PGGT1B: variants seen among roughly 807,000 people sequenced by gnomAD.
PGGT1B encodes geranylgeranyl transferase type-1 subunit beta.
In PGGT1B, 30 loss-of-function variants were observed where a neutral mutation model predicts 46.1. That is an observed-to-expected ratio of 0.65 (90% CI 0.49 to 0.88). The LOEUF is 0.88. Among genes scored for constraint, PGGT1B ranks in the 40% least tolerant of loss-of-function variants. The pLI is 0.00. For synonymous variants in PGGT1B, 170 were observed against 160.0 expected, an observed-to-expected ratio of 1.06 and a Z score of -0.47; for missense variants, 376 against 455.9, an observed-to-expected ratio of 0.82 and a Z score of 1.60.
At chr5:115,256,335 G>A (rs139099356) in intron 1 of PGGT1B, among the ~76,000 whole-genome samples, 66 of 152,264 alleles carry the variant, frequency 4.3e-4, no homozygotes, top group African/African-American at 1.4e-3. Flanking sequence ...ATCTGTATAC[G>A]TTATCTGAAT....
In PGGT1B at chr5:115,230,088, C is replaced by T. The variant is rs556415816; in HGVS notation, c.658+888G>A. ...AGGTTTATGATTTACAAACCACTTT[C>T]CCCCATATCTCTTATAATACTAACA... On this transcript the variant is annotated intron_variant, in intron 6 of 8. Coordinates refer to ENST00000419445, the MANE Select transcript of PGGT1B (RefSeq NM_005023.4). 6.2e-4 allele frequency among the ~76,000 whole-genome samples: 94 copies of T among 151,906 alleles called. 1 individual carries two copies. Among genetic ancestry groups the T allele is most frequent in the African/African-American group, 2.2e-3 (93 of 41,448 alleles).
intron 4 of PGGT1B, 102 bp from the exon 5 acceptor site, chr5:115,236,624 A>G (rs1757191575): frequency 4.9e-6 from 3 of 612,918 alleles, no homozygotes; most frequent in Non-Finnish European, 8.1e-6. Context: ...TAACAGAAAA[A>G]TCTGTTGATT....
chr5:115,231,812 A>G (rs529937771), intron 5 of PGGT1B: 1 of 152,262 alleles, frequency 6.6e-6, no homozygotes, highest in South Asian at 2.1e-4. Flanking sequence ...GTTTAGCTAA[A>G]TAACACAACA....
At chr5:115,247,235 A>C (rs568155368) in intron 2 of PGGT1B, among the ~76,000 whole-genome samples, 1 of 152,326 alleles carries the variant, frequency 6.6e-6, no homozygotes, top group East Asian at 1.9e-4. Flanking sequence ...ATGGAATATA[A>C]AAGTTTGAGA....
At chr5:115,216,630 A>G (rs1314025594) in intron 8 of PGGT1B, among the ~76,000 whole-genome samples, 1 of 152,232 alleles carries the variant, frequency 6.6e-6, no homozygotes, top group African/African-American at 2.4e-5. Flanking sequence ...TACTAAGTAA[A>G]ATATTTGGGA....
At chr5:115,225,384 T>C (rs1218671447) in intron 6 of PGGT1B, among the ~76,000 whole-genome samples, 1 of 139,646 alleles carries the variant, frequency 7.2e-6, no homozygotes, top group Non-Finnish European at 1.6e-5. Flanking sequence ...AAAGGAGGTG[T>C]TCCTGACTTC....
At chr5:115,246,327 T>A (rs1225632173) in intron 2 of PGGT1B, among the ~76,000 whole-genome samples, 2 of 149,868 alleles carry the variant, frequency 1.3e-5, no homozygotes, top group Admixed American at 1.3e-4. Context: ...CTGCACTCCA[T>A]CCTGGGTGAC....
At chr5:115,255,193 C>CTAT (rs1748260982) in intron 1 of PGGT1B, among the ~76,000 whole-genome samples, 1 of 152,204 alleles carries the variant, frequency 6.6e-6, no homozygotes, top group Non-Finnish European at 1.5e-5. Flanking sequence ...AGAGTAACAA[C>CTAT]GACTTTAGGA....
At position 115,253,187 on chromosome 5, in the gene PGGT1B, T is replaced by C; in HGVS notation, c.209A>G (p.Asp70Gly). The C allele has an allele frequency of 1.2e-6, 2 of 1,606,352 alleles. No individual in the cohort carries two copies. Among genetic ancestry groups the C allele is most frequent in the South Asian group, 1.1e-5 (1 of 89,742 alleles). Residue 70 changes from aspartate to glycine, a missense_variant, in exon 2 of 9, where the codon GAT becomes GGT. This residue lies in a region of PGGT1B where 154 missense variants were observed against 142.3 expected (regional missense o/e 1.08). Coordinates refer to ENST00000419445, the MANE Select transcript of PGGT1B (RefSeq NM_005023.4). ...GGAATAAATCCACTCTATTATATCA[T>C]CTTTGTTCACCACATCTAAGGAATC... is the stretch of plus-strand genomic sequence containing the variant. ...MLDSLDVVNK[D>G]DIIEWIYSLQ...
rs1208777045 is a variant in PGGT1B at position 115,206,247 on chromosome 5, ATG to A, written c.*6153_*6154del. ...TATACAGAGATTAAAGGTCTGAAAG[ATG>A]TATGCAACAGTGGTGTTTACCTCCA... is the stretch of plus-strand genomic sequence containing the variant. On this transcript the variant is annotated 3_prime_UTR_variant, in exon 9 of 9. Transcript: ENST00000419445. The A allele has an allele frequency of 6.6e-6, 1 of 152,012 alleles. No homozygotes were observed. Among genetic ancestry groups the A allele is most frequent in the Non-Finnish European group, 1.5e-5 (1 of 67,910 alleles). 9.4% of individuals were successfully genotyped at this position (152,012 alleles called of 1,614,324 possible).
intron 6 of PGGT1B, among the ~76,000 whole-genome samples, chr5:115,229,099 G>C (rs533899851): frequency 1.3e-5 from 2 of 152,302 alleles, no homozygotes; most frequent in East Asian, 1.9e-4. Flanking sequence ...ATGGTGATGA[G>C]AAGGGGAAAG....
At chr5:115,241,211 T>C (rs891455182) in intron 3 of PGGT1B, among the ~76,000 whole-genome samples, 2 of 152,328 alleles carry the variant, frequency 1.3e-5, no homozygotes, top group South Asian at 2.1e-4. Flanking sequence ...TTCAGTGCTC[T>C]GTTTTCCTTT....
At chr5:115,243,725 G>A (rs893510025) in intron 2 of PGGT1B, among the ~76,000 whole-genome samples, 8 of 152,022 alleles carry the variant, frequency 5.3e-5, no homozygotes, top group African/African-American at 1.9e-4. Context: ...GGAGGCTTTG[G>A]GGGAACAATC....
rs1554069086 is a variant in PGGT1B at position 115,207,180 on chromosome 5, C to CACATATATATATATATATATATAT, written c.*5221_*5222insATATATATATATATATATATATGT. ...ACTAGTTTAGGTTTGCATATACATA[C>CACATATATATATATATATATATAT]ATATATATATATATATATATATATA... is the stretch of plus-strand genomic sequence containing the variant. On this transcript the variant is annotated 3_prime_UTR_variant, in exon 9 of 9. Coordinates refer to ENST00000419445, the MANE Select transcript of PGGT1B (RefSeq NM_005023.4). The CACATATATATATATATATATATAT allele has an allele frequency of 1.1e-5, 1 of 89,950 alleles. No homozygotes were observed. The allele number at this position is 89,950 out of a possible 1,614,324, so 5.6% of individuals were successfully genotyped here.
chr5:115,250,220 T>G (rs1216864871), intron 2 of PGGT1B, among the ~76,000 whole-genome samples: 3 of 152,172 alleles, frequency 2.0e-5, no homozygotes, highest in Non-Finnish European at 4.4e-5. Flanking sequence ...ATGTGGTATC[T>G]CAAAGTAGGA....
rs1748615552 is a variant in PGGT1B at position 115,262,657 on chromosome 5, C to T, written c.140+55G>A. ...AGTTTGCGGTCCGACTCCGCCGCGC[C>T]TTTCCGCTGGAGCCCGGGCCTTGTG... On this transcript the variant is annotated intron_variant, in intron 1 of 8. Transcript: ENST00000419445. 6.4e-6 allele frequency: 10 copies of T among 1,552,726 alleles called. No homozygotes were observed. In the South Asian group the frequency reaches 1.1e-4, roughly 17 times the overall value.
At chr5:115,216,005 A>G (rs370326952) in intron 8 of PGGT1B, among the ~76,000 whole-genome samples, 3 of 152,210 alleles carry the variant, frequency 2.0e-5, no homozygotes, top group Non-Finnish European at 4.4e-5. Flanking sequence ...ATGATGCTAG[A>G]GGTGGGAGAG....
intron 7 of PGGT1B, among the ~76,000 whole-genome samples, chr5:115,218,090 G>A (rs34835110): frequency 0.027 from 4,150 of 151,852 alleles, 65 homozygotes; most frequent in Non-Finnish European, 0.043. Flanking sequence ...GCATTGGAAG[G>A]TAGAAGATGA....
chr5:115,224,512 G>A (rs1756699430), intron 6 of PGGT1B, among the ~76,000 whole-genome samples: 1 of 152,124 alleles, frequency 6.6e-6, no homozygotes, highest in Admixed American at 6.5e-5. Context: ...TAAGCCTGTT[G>A]CTCCTAAAGT....
Sources: gnomAD v4.1 joint callset for allele counts (sites outside exome capture counted in the v4.1 genomes callset) on GRCh38, gnomAD v4.1.1 for gene constraint, gnomAD v4.1.1 regional missense constraint, MANE v1.5 for transcripts, NCBI Gene and HGNC (gene_info 2026-07-23, HGNC 2026-07-21) for gene names.